SIPA1L2: variants seen among roughly 807,000 people sequenced by gnomAD.
SIPA1L2 encodes the protein signal induced proliferation associated 1 like 2, also known as signal-induced proliferation-associated 1-like protein 2.
SIPA1L2 carries 56 observed loss-of-function variants against 163.9 expected under a neutral mutation model. The ratio of observed to expected loss-of-function variants is 0.34; its 90% CI spans 0.28 to 0.43. The LOEUF is 0.43. SIPA1L2 is among the 20% of genes least tolerant of loss of function. The pLI, the probability that SIPA1L2 is intolerant of heterozygous loss-of-function variation, is 1.00. For synonymous variants in SIPA1L2, 877 were observed against 865.7 expected, an observed-to-expected ratio of 1.01 and a Z score of -0.23; for missense variants, 1,974 against 2,193.5, an observed-to-expected ratio of 0.90 and a Z score of 2.00.
At chr1:232,501,073 T>TTTTTTTA (rs71173222) in intron 3 of SIPA1L2, among the ~76,000 whole-genome samples, 2 of 136,002 alleles carry the variant, frequency 1.5e-5, no homozygotes, top group Non-Finnish European at 3.1e-5. Flanking sequence ...TTTTTTTTTT[T>TTTTTTTA]GTGAGACAGA....
chr1:232,492,642 A>G (rs1455581365), intron 4 of SIPA1L2, among the ~76,000 whole-genome samples: 7 of 152,224 alleles, frequency 4.6e-5, no homozygotes, highest in Non-Finnish European at 1.0e-4. Flanking sequence ...AATGTAACAA[A>G]GCGTGGGTAG....
At position 232,622,268 on chromosome 1, in the gene SIPA1L2, C is replaced by G. The variant is rs189918925; in HGVS notation, c.-319+7601G>C. Among the ~76,000 whole-genome samples, 72 of 152,198 alleles carry G rather than the reference C, an allele frequency of 4.7e-4. 2 individuals are homozygous for G. In the East Asian group the frequency reaches 0.013, roughly 27 times the overall value. The stretch of plus-strand genomic sequence containing the variant: ...GATATTAAAGATAAAAGACTTTTAC[C>G]ATATAAAATTAAGACTATGGCTACT... On this transcript the variant is annotated intron_variant, in intron 1 of 22. Coordinates refer to ENST00000674635, the MANE Select transcript of SIPA1L2 (RefSeq NM_020808.5).
At chr1:232,626,950 T>C (rs1303159707) in intron 1 of SIPA1L2, among the ~76,000 whole-genome samples, 1 of 152,192 alleles carries the variant, frequency 6.6e-6, no homozygotes, top group African/African-American at 2.4e-5. Flanking sequence ...ACTCTCACTC[T>C]GCAAATGAAT....
chr1:232,508,777 T>C (rs1348142241), intron 3 of SIPA1L2, among the ~76,000 whole-genome samples: 1 of 152,230 alleles, frequency 6.6e-6, no homozygotes, highest in East Asian at 1.9e-4. Context: ...CTCTACTTGC[T>C]ACTATCCTCA....
At chr1:232,539,910 T>C (rs1310153475) in intron 2 of SIPA1L2, among the ~76,000 whole-genome samples, 3 of 152,234 alleles carry the variant, frequency 2.0e-5, no homozygotes, top group Non-Finnish European at 2.9e-5. Flanking sequence ...ATGAAAGGTC[T>C]GTGTCTAACT....
At chr1:232,449,713 A>C (rs1459273561) in intron 10 of SIPA1L2, among the ~76,000 whole-genome samples, 1 of 152,146 alleles carries the variant, frequency 6.6e-6, no homozygotes, top group Non-Finnish European at 1.5e-5. Flanking sequence ...GAGCCCAATG[A>C]ATAAAAAATG....
intron 18 of SIPA1L2, among the ~76,000 whole-genome samples, chr1:232,419,907 T>A (rs1661468235): frequency 6.6e-6 from 1 of 152,208 alleles, no homozygotes; most frequent in African/African-American, 2.4e-5. Context: ...AACTACTGGG[T>A]ACTACATCAG....
chr1:232,535,134 T>C (rs1000555794), intron 2 of SIPA1L2, among the ~76,000 whole-genome samples: 3 of 152,298 alleles, frequency 2.0e-5, no homozygotes, highest in Admixed American at 6.5e-5. Flanking sequence ...CTGAGTCCAC[T>C]AGTCCAAAGA....
At chr1:232,603,901 G>C (rs1661746485) in intron 1 of SIPA1L2, among the ~76,000 whole-genome samples, 1 of 152,082 alleles carries the variant, frequency 6.6e-6, no homozygotes, top group Non-Finnish European at 1.5e-5. Context: ...CTAAGTAAAA[G>C]GGTACCCAGC....
At chr1:232,523,045 A>G (rs936127504) in intron 2 of SIPA1L2, among the ~76,000 whole-genome samples, 3 of 152,232 alleles carry the variant, frequency 2.0e-5, no homozygotes, top group Non-Finnish European at 4.4e-5. Flanking sequence ...CCAGGGAAGC[A>G]CTATTCTCTT....
chr1:232,488,111 C>A (rs1020799555), intron 5 of SIPA1L2, among the ~76,000 whole-genome samples: 7 of 152,096 alleles, frequency 4.6e-5, no homozygotes, highest in African/African-American at 1.7e-4. Flanking sequence ...CACCATCACA[C>A]CTGGCTAATT....
chr1:232,581,680 C>G (rs1660383048), intron 1 of SIPA1L2, among the ~76,000 whole-genome samples: 1 of 152,142 alleles, frequency 6.6e-6, no homozygotes, highest in Non-Finnish European at 1.5e-5. Context: ...TCAAATAATT[C>G]CTTAATATGG....
chr1:232,528,657 T>C (rs972119168), intron 2 of SIPA1L2, among the ~76,000 whole-genome samples: 11 of 152,200 alleles, frequency 7.2e-5, no homozygotes, highest in African/African-American at 2.7e-4. Flanking sequence ...CTCACATCAC[T>C]GGTGAGACCC....
chr1:232,603,531 C>T (rs1030274118), intron 1 of SIPA1L2, among the ~76,000 whole-genome samples: 3 of 151,988 alleles, frequency 2.0e-5, no homozygotes, highest in African/African-American at 7.3e-5. Flanking sequence ...CGGAAAGCAA[C>T]AGAGGATGCG....
At chr1:232,544,060 T>C (rs535296106) in intron 2 of SIPA1L2, among the ~76,000 whole-genome samples, 2 of 152,248 alleles carry the variant, frequency 1.3e-5, no homozygotes, top group South Asian at 4.1e-4. Flanking sequence ...AGCAAATGTT[T>C]TAAATATGGG....
chr1:232,564,259 TG>T lies in SIPA1L2; in HGVS notation c.-270+9914del, dbSNP rs1310807922. Among the ~76,000 whole-genome samples the T allele has an allele frequency of 8.4e-5, 10 of 118,520 alleles. No individual in the cohort carries two copies. In the South Asian group the frequency reaches 1.7e-3, roughly 20 times the overall value. The allele number at this position is 118,520 out of a possible 152,430, so 77.8% of individuals were successfully genotyped here. A position where few individuals can be genotyped will look rare whatever the true frequency, so the allele number is the denominator to read the frequency against. Reference sequence around the variant, plus strand: ...TCGTGTGTGTGTGTGTGTGTGTGTGTGTGTGTGTGTGTGTGTGTGTGTATGA... The same window carrying T: ...TCGTGTGTGTGTGTGTGTGTGTGTGTTGTGTGTGTGTGTGTGTGTGTATGA... On this transcript the variant is annotated intron_variant, in intron 2 of 22. Transcript: ENST00000674635.
At chr1:232,622,662 G>C (rs1050557506) in intron 1 of SIPA1L2, among the ~76,000 whole-genome samples, 1 of 152,174 alleles carries the variant, frequency 6.6e-6, no homozygotes, top group Non-Finnish European at 1.5e-5. Context: ...CCCTCTGAAT[G>C]GGGCTATAAA....
chr1:232,413,779 G>A (rs922261848), intron 19 of SIPA1L2, among the ~76,000 whole-genome samples: 26 of 152,208 alleles, frequency 1.7e-4, no homozygotes, highest in African/African-American at 6.0e-4. Flanking sequence ...AATTCAGTGC[G>A]TTCAGTACTC....
chr1:232,425,597 C>T lies in SIPA1L2; in HGVS notation c.4622G>A (p.Ser1541Asn). 1 of 1,581,314 alleles carries T rather than the reference C, an allele frequency of 6.3e-7. No individual in the cohort carries two copies. Among genetic ancestry groups the T allele is most frequent in the Non-Finnish European group, 8.6e-7 (1 of 1,160,312 alleles). The change falls in exon 18 of 23, where the codon AGC becomes AAC. Residue 1541 changes from serine (S) to asparagine (N), a missense_variant. Around this residue, in one of 3 missense-constraint regions of SIPA1L2, gnomAD observed 1,079 missense variants for 1,150.7 expected, o/e 0.94. Coordinates refer to ENST00000674635, the MANE Select transcript of SIPA1L2 (RefSeq NM_020808.5). ...PRAHPAPSMGSLRNEFWFSDG... is the reference protein window; with the variant it reads ...PRAHPAPSMGNLRNEFWFSDG... ...GCCAGCCCCTCACTTACTTCTCAGG[C>T]TCCCCATGCTGGGTGCGGGGTGGGC... is the stretch of plus-strand genomic sequence containing the variant.
Sources: allele counts gnomAD v4.1 joint callset (sites outside exome capture counted in the v4.1 genomes callset), GRCh38; gene constraint gnomAD v4.1.1; regional missense constraint gnomAD v4.1.1; transcripts MANE v1.5; gene names NCBI Gene and HGNC (gene_info 2026-07-23, HGNC 2026-07-21).